Variants in DHX9 observed in about 807,000 individuals in gnomAD.
DHX9 encodes the protein DExH-box helicase 9, also known as ATP-dependent RNA helicase A.
A neutral mutation model predicts 148.7 loss-of-function variants in DHX9; 27 were observed. The observed-to-expected ratio is 0.18, with a 90% confidence interval of 0.13 to 0.25. DHX9 has a LOEUF of 0.25. Among genes scored for constraint, DHX9 ranks in the 10% least tolerant of loss-of-function variants. DHX9 has a pLI of 1.00. For synonymous variants in DHX9, 529 were observed against 516.6 expected (o/e 1.02, Z -0.33); for missense variants, 796 against 1,559.6 (o/e 0.51, Z 8.25).
chr1:182,879,142 GGAT>G (rs1187068723), intron 20 of DHX9, 105 bp from the exon 21 acceptor site: 9 of 866,984 alleles, frequency 1.0e-5, no homozygotes, highest in Non-Finnish European at 1.5e-5. Context: ...TAAAATAAAA[GGAT>G]GAGGAAAAGG....
rs1362427006 is a variant in DHX9, at chr1:182,887,810, C to T, written c.*376C>T. 1.0e-5 allele frequency: 2 copies of T among 195,260 alleles called. No homozygotes were observed. Among genetic ancestry groups the T allele is most frequent in the Non-Finnish European group, 2.2e-5 (2 of 92,604 alleles). 12.1% of individuals were successfully genotyped at this position (195,260 alleles called of 1,614,324 possible). A position where few individuals can be genotyped will look rare whatever the true frequency, so the allele number is the denominator to read the frequency against. ...TTAGAAAATTTTACAATGCCAGCTA[C>T]ATCTGTTGATTTTAAATGTCAGAGA... is the stretch of plus-strand genomic sequence containing the variant. On this transcript the variant is annotated 3_prime_UTR_variant, in exon 28 of 28. Coordinates refer to ENST00000367549, the MANE Select transcript of DHX9 (RefSeq NM_001357.5).
chr1:182,883,076 T>G, intron 24 of DHX9, 63 bp from the exon 25 acceptor site: 2 of 1,062,376 alleles, frequency 1.9e-6, no homozygotes, highest in Non-Finnish European at 2.9e-6. Context: ...TTAAATAGTT[T>G]GCATGTAATG....
intron 12 of DHX9, among the ~76,000 whole-genome samples, chr1:182,865,484 A>G (rs78599442): frequency 0.016 from 2,370 of 152,324 alleles, 64 homozygotes; most frequent in African/African-American, 0.054. Flanking sequence ...ACATAGGTGG[A>G]AAAATCCTTA....
chr1:182,858,483 CT>C (rs1485526639), intron 8 of DHX9, 67 bp from the exon 9 acceptor site: 1 of 1,340,030 alleles, frequency 7.5e-7, no homozygotes, highest in Non-Finnish European at 1.0e-6. Context: ...CTAGTGTTGA[CT>C]GTATAGTCTT....
rs752573766 is a variant in DHX9 at position 182,860,014 on chromosome 1, C to T, written c.1162C>T (p.Leu388=). The change falls in exon 12 of 28, where the codon CTG becomes TTG. Residue 388 remains leucine, a synonymous_variant. Transcript: ENST00000367549. ...LQAILQEREL[L]PVKKFESEIL... ...GCAGATCTTGCAGGAGAGAGAGTTA[C>T]TGCCTGTGAAGAAATTTGAAAGTGA... 13 of 1,612,438 alleles carry T rather than the reference C, an allele frequency of 8.1e-6. No homozygotes were observed. The highest frequency in any genetic ancestry group is 1.0e-5 in the Non-Finnish European group (12 of 1,179,238).
At chr1:182,855,795 A>C in intron 6 of DHX9, 6 of 933,260 alleles carry the variant, frequency 6.4e-6, no homozygotes, top group Non-Finnish European at 7.7e-6. Flanking sequence ...CACACCACCA[A>C]GTCTAGGTTA....
Position 182,883,865 on chromosome 1 carries a change from C to T in DHX9, c.3260+230C>T, listed in dbSNP as rs138759520. 3.8e-3 allele frequency among the ~76,000 whole-genome samples: 574 copies of T among 152,252 alleles called. 5 individuals are homozygous for T. The highest frequency in any genetic ancestry group is 0.013 in the African/African-American group (553 of 41,526). ...TCAGAATCTAAGTGAAGCTTGAGTA[C>T]CCTTTCACATACTCTGTATATTGAT... is the stretch of plus-strand genomic sequence containing the variant. On this transcript the variant is annotated intron_variant, in intron 26 of 27. Coordinates refer to ENST00000367549, the MANE Select transcript of DHX9 (RefSeq NM_001357.5).
chr1:182,858,118 G>T lies in DHX9; in HGVS notation c.688G>T (p.Glu230Ter). 1 of 1,612,346 alleles carries T rather than the reference G, an allele frequency of 6.2e-7. No homozygotes were observed. Among genetic ancestry groups the T allele is most frequent in the South Asian group, 1.1e-5 (1 of 90,648 alleles). The change falls in exon 8 of 28, where the codon GAA becomes TAA. Residue 230 changes from glutamate (E) to a stop codon, truncating the protein, a stop_gained. Coordinates refer to ENST00000367549, the MANE Select transcript of DHX9 (RefSeq NM_001357.5). LOFTEE classifies it high-confidence loss of function. ...TTACATTATAGGGATTTTTGCACGA[G>T]AACATGGATCAAATAAGAAATTGGC... is the stretch of plus-strand genomic sequence containing the variant. ...KQLGRRIFAR[E>*]HGSNKKLAAQ...
chr1:182,863,207 A>G (rs186674770), intron 12 of DHX9, among the ~76,000 whole-genome samples: 152 of 152,298 alleles, frequency 1.0e-3, no homozygotes, highest in Non-Finnish European at 1.6e-3. Flanking sequence ...CAAGTGTAAC[A>G]TAGTTAAAAT....
At chr1:182,849,156 C>T (rs1006808313) in intron 3 of DHX9, among the ~76,000 whole-genome samples, 2 of 152,178 alleles carry the variant, frequency 1.3e-5, no homozygotes, top group Non-Finnish European at 2.9e-5. Context: ...GGAACTTACC[C>T]TTTCATGCCA....
intron 8 of DHX9, 117 bp from the exon 9 acceptor site, chr1:182,858,434 C>A: frequency 1.8e-6 from 2 of 1,113,672 alleles, no homozygotes; most frequent in Non-Finnish European, 2.6e-6. Context: ...AATTCTCTCA[C>A]AAAAGGGAAC....
chr1:182,866,650 C>T lies in DHX9; in HGVS notation c.1474+65C>T. The T allele has an allele frequency of 3.3e-6, 5 of 1,512,626 alleles. No individual in the cohort carries two copies. In the South Asian group the frequency reaches 3.7e-5, roughly 11 times the overall value. The allele number at this position is 1,512,626 out of a possible 1,614,324, so 93.7% of individuals were successfully genotyped here. On this transcript the variant is annotated intron_variant, in intron 13 of 27. Transcript: ENST00000367549. ...TGTGGTTGTGAAGAAAACTTGATAGCAGAACAGAATGACTGGAAAGAAATA... is the reference window on the plus strand; with the variant it reads ...TGTGGTTGTGAAGAAAACTTGATAGTAGAACAGAATGACTGGAAAGAAATA...
At chr1:182,875,301 AAGAC>A (rs1648710346) in intron 16 of DHX9, 1 of 430,966 alleles carries the variant, frequency 2.3e-6, no homozygotes, top group African/African-American at 2.0e-5. Flanking sequence ...AACTGGTAGA[AAGAC>A]AGAATGCTGT....
At chr1:182,875,512 T>C (rs553448747) in intron 16 of DHX9, among the ~76,000 whole-genome samples, 1 of 152,268 alleles carries the variant, frequency 6.6e-6, no homozygotes, top group South Asian at 2.1e-4. Flanking sequence ...GAAAAGACTT[T>C]GTAGTGCTTG....
Position 182,876,918 on chromosome 1 carries a change from A to G in DHX9, c.2198+15A>G, listed in dbSNP as rs1477661927. 5.6e-6 allele frequency: 9 copies of G among 1,594,002 alleles called. No individual in the cohort carries two copies. The highest frequency in any genetic ancestry group is 5.0e-5 in the Admixed American group (3 of 59,636). ...GACTCCTGCAAGTAAGTTACTGGGA[A>G]ACCTATTTGTCTGCTCCAGTGTTAC... On this transcript the variant is annotated intron_variant, in intron 19 of 27. Coordinates refer to ENST00000367549, the MANE Select transcript of DHX9 (RefSeq NM_001357.5).
rs201506072 is a variant in DHX9, at chr1:182,881,348, C to T, written c.2709C>T (p.Ile903=). 5,920 of 1,614,172 alleles carry T rather than the reference C, an allele frequency of 3.7e-3. 26 individuals are homozygous for T. Among genetic ancestry groups the T allele is most frequent in the Middle Eastern group, 0.012 (72 of 6,062 alleles). The change falls in exon 23 of 28, where the codon ATC becomes ATT. Residue 903 remains isoleucine (I), a synonymous_variant. Transcript: ENST00000367549. ...FINEGKRLGY[I]HRNFAGNRFS... Reference sequence around the variant, plus strand: ...ATGAAGGAAAGCGGCTGGGCTATATCCATCGAAATTTTGCTGGAAACAGAT... The same window carrying T: ...ATGAAGGAAAGCGGCTGGGCTATATTCATCGAAATTTTGCTGGAAACAGAT...
Position 182,858,645 on chromosome 1 carries a change from G to A in DHX9, c.900+5G>A. ...AATCTTGAGATTTTGCCCCCGGTAAGCATAAAGCTGTTTAGTTCACATTTA... is the reference window on the plus strand; with the variant it reads ...AATCTTGAGATTTTGCCCCCGGTAAACATAAAGCTGTTTAGTTCACATTTA... On this transcript the variant is annotated splice_donor_5th_base_variant and intron_variant, in intron 9 of 27. Transcript: ENST00000367549. 3 of 1,609,630 alleles carry A rather than the reference G, an allele frequency of 1.9e-6. No individual in the cohort carries two copies. The highest frequency in any genetic ancestry group is 2.5e-6 in the Non-Finnish European group (3 of 1,176,736).
At position 182,858,416 on chromosome 1, in the gene DHX9, A is replaced by G. The variant is rs1304640026; in HGVS notation, c.811-135A>G. 5 of 1,057,348 alleles carry G rather than the reference A, an allele frequency of 4.7e-6. No individual in the cohort carries two copies. The African/African-American group carries it at 4.8e-5, about 10-fold the overall frequency. 65.5% of individuals were successfully genotyped at this position (1,057,348 alleles called of 1,614,324 possible). A position where few individuals can be genotyped will look rare whatever the true frequency, so the allele number is the denominator to read the frequency against. The stretch of plus-strand genomic sequence containing the variant: ...CATAATAGGCAGTGAGTAAATAATC[A>G]TTGAAGTAATTCTCTCACAAAAGGG... On this transcript the variant is annotated intron_variant, in intron 8 of 27. Transcript: ENST00000367549.
chr1:182,856,571 G>T lies in DHX9; in HGVS notation c.666G>T (p.Leu222=), dbSNP rs1668253935. The change falls in exon 7 of 28, where the codon CTG becomes CTT. Residue 222 remains leucine (L), a synonymous_variant. Transcript: ENST00000367549. ...IAEMTIYIKQ[L]GRRIFAREHG... The stretch of plus-strand genomic sequence containing the variant: ...AAATGACCATTTATATCAAGCAGCT[G>T]GGCAGAAGTAAGTGTTACTGTTTCC... 9.9e-6 allele frequency: 16 copies of T among 1,613,834 alleles called. No individual in the cohort carries two copies. Among genetic ancestry groups the T allele is most frequent in the Non-Finnish European group, 1.4e-5 (16 of 1,179,824 alleles).
Sources: gnomAD v4.1 joint callset for allele counts (sites outside exome capture counted in the v4.1 genomes callset) on GRCh38, gnomAD v4.1.1 for gene constraint, MANE v1.5 for transcripts, NCBI Gene and HGNC (gene_info 2026-07-23, HGNC 2026-07-21) for gene names.